WNT16: variants seen among roughly 807,000 people sequenced by gnomAD.
The protein encoded by WNT16 is Wnt family member 16.
WNT16 carries 20 observed loss-of-function variants against 35.4 expected under a neutral mutation model. The ratio of observed to expected loss-of-function variants is 0.56; its 90% confidence interval spans 0.40 to 0.82. The LOEUF (loss-of-function observed/expected upper bound fraction) is 0.82. Among genes scored for constraint, WNT16 ranks in the 40% least tolerant of loss-of-function variants. WNT16 has a pLI of 0.00. For missense variants in WNT16, 461 were observed against 466.0 expected (o/e 0.99, Z 0.10); for synonymous variants, 180 against 179.2 (o/e 1.00, Z -0.03).
At chr7:121,335,463 C>T (rs1262663332) in intron 3 of WNT16, among the ~76,000 whole-genome samples, 1 of 152,078 alleles carries the variant, frequency 6.6e-6, no homozygotes. Flanking sequence ...ATGTGCACAT[C>T]TGTTTGCAAT....
intron 3 of WNT16, among the ~76,000 whole-genome samples, chr7:121,335,330 T>C (rs1402084408): frequency 6.6e-6 from 1 of 152,150 alleles, no homozygotes; most frequent in Non-Finnish European, 1.5e-5. Flanking sequence ...TAAGTATTAA[T>C]GATGCATCTT....
chr7:121,335,215 G>A (rs1447737475), intron 3 of WNT16, among the ~76,000 whole-genome samples: 4 of 152,072 alleles, frequency 2.6e-5, no homozygotes, highest in Admixed American at 1.3e-4. Flanking sequence ...TTCGGACAAC[G>A]TAATTTACTG....
chr7:121,334,850 A>C (rs1793415151), intron 3 of WNT16, among the ~76,000 whole-genome samples: 1 of 151,998 alleles, frequency 6.6e-6, no homozygotes. Context: ...GTGTGCTTAA[A>C]ATATTTCCAT....
rs1404490923 is a variant in WNT16 at position 121,340,215 on chromosome 7, T to G, written c.*870T>G. 2 of 152,146 alleles carry G rather than the reference T, an allele frequency of 1.3e-5. No individual in the cohort carries two copies. Among genetic ancestry groups the G allele is most frequent in the African/African-American group, 2.4e-5 (1 of 41,446 alleles). 9.4% of individuals were successfully genotyped at this position (152,146 alleles called of 1,614,324 possible). On this transcript the variant is annotated 3_prime_UTR_variant, in exon 4 of 4. Coordinates refer to ENST00000222462, the MANE Select transcript of WNT16 (RefSeq NM_057168.2). Reference sequence around the variant, plus strand: ...TAAACAGTGGAGGTAAAAATATAATTTCATACATTGTAAAGAAAAGCACCC... The same window carrying G: ...TAAACAGTGGAGGTAAAAATATAATGTCATACATTGTAAAGAAAAGCACCC...
chr7:121,329,165 T>C lies in WNT16; in HGVS notation c.-128T>C, dbSNP rs1436491316. The stretch of plus-strand genomic sequence containing the variant: ...GTCCCTATCACTGCTGGCCTTTTAA[T>C]GTTGTATGCAAGGAGGAAGAGGGCG... On this transcript the variant is annotated 5_prime_UTR_variant, in exon 1 of 4. An upstream start codon of the reference 5' UTR is lost. Coordinates refer to ENST00000222462, the MANE Select transcript of WNT16 (RefSeq NM_057168.2). 16 of 1,423,250 alleles carry C rather than the reference T, an allele frequency of 1.1e-5. No individual in the cohort carries two copies. Among genetic ancestry groups the C allele is most frequent in the South Asian group, 9.3e-5 (6 of 64,432 alleles). 88.2% of individuals were successfully genotyped at this position (1,423,250 alleles called of 1,614,324 possible).
intron 3 of WNT16, among the ~76,000 whole-genome samples, chr7:121,336,689 T>C (rs1014049825): frequency 6.6e-6 from 1 of 152,206 alleles, no homozygotes; most frequent in South Asian, 2.1e-4. Context: ...TGATTCAGTT[T>C]ACCAACAGAG....
intron 3 of WNT16, among the ~76,000 whole-genome samples, chr7:121,333,574 G>T (rs938989352): frequency 2.6e-5 from 4 of 151,812 alleles, no homozygotes; most frequent in African/African-American, 7.2e-5. Context: ...TGACTGAGAT[G>T]TTGCTTCAAT....
upstream of WNT16, among the ~76,000 whole-genome samples, chr7:121,326,931 T>C: frequency 6.6e-6 from 1 of 152,200 alleles, no homozygotes. Context: ...GTAAAAACTG[T>C]AGTTCCAGCA....
In WNT16 at chr7:121,329,328, G is replaced by T. The variant is rs1793297756; in HGVS notation, c.36G>T (p.Leu12Phe). The T allele has an allele frequency of 3.8e-6, 6 of 1,597,200 alleles. No individual in the cohort carries two copies. The highest frequency in any genetic ancestry group is 5.1e-6 in the Non-Finnish European group (6 of 1,172,160). Reference sequence around the variant, plus strand: ...CGGCGCTCCTGGGACTGGCCCGCTTGTGCGCGCTGTGGGCAGCCCTGCTCG... The same window carrying T: ...CGGCGCTCCTGGGACTGGCCCGCTTTTGCGCGCTGTGGGCAGCCCTGCTCG... The part of the protein sequence containing the change: ...DRAALLGLAR[L>F]CALWAALLVL... The change falls in exon 1 of 4, where the codon TTG (leucine) becomes TTT (phenylalanine). Residue 12 changes from leucine to phenylalanine, a missense_variant. Transcript: ENST00000222462.
At chr7:121,337,734 A>T (rs1405865281) in intron 3 of WNT16, among the ~76,000 whole-genome samples, 1 of 152,198 alleles carries the variant, frequency 6.6e-6, no homozygotes, top group African/African-American at 2.4e-5. Flanking sequence ...GCCTTACTGG[A>T]AATGTTTATC....
intron 2 of WNT16, 52 bp from the exon 3 acceptor site, chr7:121,331,626 C>T: frequency 8.4e-6 from 13 of 1,553,198 alleles, no homozygotes; most frequent in Non-Finnish European, 1.1e-5. Flanking sequence ...TTCTTCTGAA[C>T]ATAAACAGAA....
At chr7:121,332,825 TG>T (rs1793375209) in intron 3 of WNT16, among the ~76,000 whole-genome samples, 1 of 152,020 alleles carries the variant, frequency 6.6e-6, no homozygotes, top group South Asian at 2.1e-4. Flanking sequence ...GATACAGAGG[TG>T]GTACATTTGA....
intron 3 of WNT16, among the ~76,000 whole-genome samples, chr7:121,337,413 T>C (rs1158055021): frequency 2.0e-5 from 3 of 152,234 alleles, no homozygotes; most frequent in Non-Finnish European, 4.4e-5. Flanking sequence ...TCAGGTTTGG[T>C]ACAAAACAGC....
intron 2 of WNT16, among the ~76,000 whole-genome samples, chr7:121,330,291 G>C (rs778906150): frequency 6.6e-6 from 1 of 152,232 alleles, no homozygotes; most frequent in African/African-American, 2.4e-5. Context: ...TAGGAGCACC[G>C]AGTTGACAGA....
At position 121,339,283 on chromosome 7, in the gene WNT16, T is replaced by C; in HGVS notation, c.1036T>C (p.Trp346Arg). ...HVERCECKFI[W>R]CCYVRCRRCE... ...GGAGAGGTGTGAGTGTAAGTTCATC[T>C]GGTGCTGCTATGTCCGTTGCAGGAG... Residue 346 changes from tryptophan (W) to arginine (R), a missense_variant, in exon 4 of 4, where the codon TGG becomes CGG. Physicochemically the swap from Trp to Arg is moderately radical, Grantham distance 101 (BLOSUM62 -3). Coordinates refer to ENST00000222462, the MANE Select transcript of WNT16 (RefSeq NM_057168.2). 1 of 1,614,150 alleles carries C rather than the reference T, an allele frequency of 6.2e-7. No homozygotes were observed. Among genetic ancestry groups the C allele is most frequent in the Non-Finnish European group, 8.5e-7 (1 of 1,180,024 alleles).
chr7:121,334,887 T>C (rs577576855), intron 3 of WNT16, among the ~76,000 whole-genome samples: 2 of 152,184 alleles, frequency 1.3e-5, no homozygotes, highest in East Asian at 3.9e-4. Flanking sequence ...TCACAAACTT[T>C]TAAGTTTCCC....
At chr7:121,338,852 T>C (rs756422322) in intron 3 of WNT16, 29 bp from the exon 4 acceptor site, 3 of 1,582,862 alleles carry the variant, frequency 1.9e-6, no homozygotes, top group African/African-American at 1.4e-5. Context: ...TTATGATTGA[T>C]AGTTGAACAC....
At chr7:121,338,574 T>G (rs1174435788) in intron 3 of WNT16, among the ~76,000 whole-genome samples, 1 of 152,152 alleles carries the variant, frequency 6.6e-6, no homozygotes, top group Non-Finnish European at 1.5e-5. Flanking sequence ...GGATTAGAAA[T>G]AGAAGTAATT....
At chr7:121,327,774 G>C (rs1292739475), upstream of WNT16, among the ~76,000 whole-genome samples, 1 of 152,188 alleles carries the variant, frequency 6.6e-6, no homozygotes, top group African/African-American at 2.4e-5. Context: ...AACATTTCTT[G>C]TGTCTAATTA....
Sources: allele counts gnomAD v4.1 joint callset (sites outside exome capture counted in the v4.1 genomes callset), GRCh38; gene constraint gnomAD v4.1.1; transcripts MANE v1.5; gene names NCBI Gene and HGNC (gene_info 2026-07-23, HGNC 2026-07-21).